Variants in CGGBP1 observed in about 807,000 individuals in gnomAD.
CGGBP1 encodes CGG triplet repeat-binding protein 1.
Under a neutral mutation model 11.4 loss-of-function variants are expected in CGGBP1, and 4 were observed. The observed-to-expected ratio is 0.35, with a 90% confidence interval of 0.17 to 0.80. CGGBP1 has a LOEUF of 0.80. Ranked by LOEUF, CGGBP1 falls within the 30% of genes least tolerant of loss-of-function variation. The pLI, the probability that CGGBP1 is intolerant of heterozygous loss-of-function variation, is 0.52. For synonymous variants in CGGBP1, 76 were observed against 74.1 expected (o/e 1.03, Z -0.13); for missense variants, 135 against 202.1 (o/e 0.67, Z 2.01).
At chr3:88,059,639 T>C (rs1238421489), upstream of CGGBP1, 5 of 967,386 alleles carry the variant, frequency 5.2e-6, no homozygotes, top group Non-Finnish European at 6.6e-6. Flanking sequence ...AGGCTGAAGC[T>C]CCCTCCTCCA....
At position 88,055,908 on chromosome 3, in the gene CGGBP1, G is replaced by A; in HGVS notation, c.69C>T (p.Pro23=). 5 of 1,614,106 alleles carry A rather than the reference G, an allele frequency of 3.1e-6. No homozygotes were observed. Among genetic ancestry groups the A allele is most frequent in the Non-Finnish European group, 4.2e-6 (5 of 1,179,998 alleles). The stretch of plus-strand genomic sequence containing the variant: ...CTCCAAACTCAGTGACTCGATCCAG[G>A]GGAGTCACATACAAAGCAGTCTTAG... The part of the protein sequence containing the change: ...NRSKTALYVT[P]LDRVTEFGGE... Residue 23 remains proline (P), a synonymous_variant, in exon 4 of 4, where the codon CCC becomes CCT. Coordinates refer to ENST00000482016, the MANE Select transcript of CGGBP1 (RefSeq NM_001008390.2). The surrounding 1 kb of genome is among the most constrained non-coding windows in gnomAD (Gnocchi z 4.2).
chr3:88,067,777 G>A (rs1480724371), intron 2 of CGGBP1, among the ~76,000 whole-genome samples: 1 of 152,168 alleles, frequency 6.6e-6, no homozygotes, highest in Non-Finnish European at 1.5e-5. Flanking sequence ...AGTTCCAAGA[G>A]TGGGAGGTGA....
intron 2 of CGGBP1, chr3:88,086,174 A>G (rs905190619): frequency 1.6e-5 from 20 of 1,289,670 alleles, no homozygotes; most frequent in Non-Finnish European, 1.9e-5. Flanking sequence ...ATTTTAATTT[A>G]TCCAGTAACT....
chr3:88,059,590 T>G (rs1241276299), upstream of CGGBP1: 4 of 1,419,634 alleles, frequency 2.8e-6, no homozygotes, highest in East Asian at 2.7e-5. Flanking sequence ...ATGAATCTGG[T>G]CTATGTCCAG....
Position 88,088,727 on chromosome 3 carries a change from T to TA in CGGBP1, c.-228-30505dup, listed in dbSNP as rs11329135. 3.8e-3 allele frequency among the ~76,000 whole-genome samples: 571 copies of TA among 151,520 alleles called. 3 individuals carry two copies. Among genetic ancestry groups the TA allele is most frequent in the East Asian group, 0.016 (82 of 5,134 alleles). ...TTAGATTTGTAAGAGTGAGGCAGTT[T>TA]AAAAAAAAACCTTTATTTATGTATG... On this transcript the variant is annotated intron_variant, in intron 2 of 3. Coordinates refer to the CGGBP1 transcript ENST00000462901.
intron 1 of CGGBP1, among the ~76,000 whole-genome samples, chr3:88,146,205 C>G (rs920375495): frequency 5.9e-5 from 9 of 152,324 alleles, no homozygotes; most frequent in African/African-American, 1.9e-4. Flanking sequence ...TCTGGCTTAA[C>G]AAATCCTCCA....
At chr3:88,138,837 A>G (rs1706958449) in intron 2 of CGGBP1, 10 of 1,232,014 alleles carry the variant, frequency 8.1e-6, no homozygotes, top group Non-Finnish European at 1.0e-5. Context: ...TGATTTGGAG[A>G]TCCTCAGGAT....
intron 1 of CGGBP1, among the ~76,000 whole-genome samples, chr3:88,145,966 A>G (rs1336324094): frequency 6.6e-6 from 1 of 152,334 alleles, no homozygotes; most frequent in Non-Finnish European, 1.5e-5. Context: ...TGTGCCACAC[A>G]CTTTTCCCTA....
intron 2 of CGGBP1, chr3:88,135,469 A>G (rs1706720422): frequency 4.3e-6 from 1 of 231,372 alleles, no homozygotes; most frequent in East Asian, 8.4e-5. Flanking sequence ...TACTTTCAAT[A>G]TTATCCTAAA....
intron 2 of CGGBP1, among the ~76,000 whole-genome samples, chr3:88,100,455 C>T (rs966962626): frequency 1.3e-5 from 2 of 152,168 alleles, no homozygotes; most frequent in Non-Finnish European, 2.9e-5. Context: ...CCATTTGACC[C>T]AGCCATCCCA....
At chr3:88,126,155 A>G in intron 2 of CGGBP1, 1 of 1,518,428 alleles carries the variant, frequency 6.6e-7, no homozygotes, top group Non-Finnish European at 8.8e-7. Flanking sequence ...TCACCTCCGC[A>G]GATATGGAAA....
At chr3:88,094,473 C>T (rs1177372058) in intron 2 of CGGBP1, among the ~76,000 whole-genome samples, 3 of 151,998 alleles carry the variant, frequency 2.0e-5, no homozygotes, top group Admixed American at 6.6e-5. Context: ...ATACCCTGTT[C>T]CCACCTACAT....
Position 88,053,559 on chromosome 3 carries a change from G to A in CGGBP1, c.*1914C>T, listed in dbSNP as rs1228694612. 6.6e-6 allele frequency: 1 copy of A among 152,256 alleles called. No homozygotes were observed. The highest frequency in any genetic ancestry group is 1.5e-5 in the Non-Finnish European group (1 of 67,980). 9.4% of individuals were successfully genotyped at this position (152,256 alleles called of 1,614,324 possible). A position where few individuals can be genotyped will look rare whatever the true frequency, so the allele number is the denominator to read the frequency against. ...TTAGGACCACTCTCAAAGCTGATCT[G>A]CCATTACATTTTGCTATTAGTGCAA... On this transcript the variant is annotated 3_prime_UTR_variant, in exon 4 of 4. Transcript: ENST00000482016.
At chr3:88,138,431 C>A (rs1706931341) in intron 2 of CGGBP1, among the ~76,000 whole-genome samples, 1 of 123,994 alleles carries the variant, frequency 8.1e-6, no homozygotes, top group African/African-American at 2.8e-5. Context: ...ACCATAAGTC[C>A]ATTTTGTATT....
intron 1 of CGGBP1, among the ~76,000 whole-genome samples, chr3:88,146,735 GGTT>G (rs1055055685): frequency 1.4e-4 from 21 of 152,166 alleles, no homozygotes; most frequent in African/African-American, 4.1e-4. Flanking sequence ...CCGTTTTACT[GGTT>G]GTTCACCTTT....
chr3:88,063,462 T>G (rs1398132294), upstream of CGGBP1, among the ~76,000 whole-genome samples: 4 of 152,198 alleles, frequency 2.6e-5, no homozygotes, highest in African/African-American at 9.7e-5. Flanking sequence ...CTAATGTCTC[T>G]TAATTTAGAG....
chr3:88,103,204 A>G (rs1704536198), intron 2 of CGGBP1, among the ~76,000 whole-genome samples: 1 of 152,186 alleles, frequency 6.6e-6, no homozygotes, highest in African/African-American at 2.4e-5. Context: ...TAAGAGATAA[A>G]GCAATCAGTA....
chr3:88,115,833 A>G (rs1050576703), intron 2 of CGGBP1, among the ~76,000 whole-genome samples: 5 of 152,112 alleles, frequency 3.3e-5, no homozygotes, highest in African/African-American at 1.2e-4. Flanking sequence ...AGTTTTCGAG[A>G]TTCCCAATGA....
intron 2 of CGGBP1, among the ~76,000 whole-genome samples, chr3:88,071,376 G>GGCTC (rs1707500398): frequency 6.6e-6 from 1 of 152,140 alleles, no homozygotes; most frequent in Non-Finnish European, 1.5e-5. Context: ...CGGGTGCAGT[G>GGCTC]GCTCACTCCT....
Sources: gnomAD v4.1 joint callset for allele counts (sites outside exome capture counted in the v4.1 genomes callset) on GRCh38, gnomAD v4.1.1 for gene constraint, Gnocchi (gnomAD v3.1) non-coding constraint, MANE v1.5 for transcripts, NCBI Gene and HGNC (gene_info 2026-07-23, HGNC 2026-07-21) for gene names.